AKNAD1: variants seen among roughly 807,000 people sequenced by gnomAD.
AKNAD1 encodes protein AKNAD1.
A neutral mutation model predicts 90.8 loss-of-function variants in AKNAD1; 67 were observed. That is an observed-to-expected ratio of 0.74 (90% CI 0.61 to 0.90). AKNAD1 has a LOEUF of 0.90. Ranked by LOEUF, AKNAD1 falls within the 40% of genes least tolerant of loss-of-function variation. The pLI, the probability that AKNAD1 is intolerant of heterozygous loss-of-function variation, is 0.00. For synonymous variants in AKNAD1, 327 were observed against 341.4 expected (o/e 0.96, Z 0.46); for missense variants, 957 against 975.4 (o/e 0.98, Z 0.25).
intron 13 of AKNAD1, chr1:108,822,953 T>C (rs998245609): frequency 6.9e-6 from 3 of 437,098 alleles, no homozygotes; most frequent in South Asian, 6.0e-5. Flanking sequence ...GTTAGCAACA[T>C]GATGTCTATG....
intron 6 of AKNAD1, among the ~76,000 whole-genome samples, chr1:108,840,511 C>G (rs761923873): frequency 6.6e-6 from 1 of 151,988 alleles, no homozygotes; most frequent in Non-Finnish European, 1.5e-5. Flanking sequence ...TATTAAGAAC[C>G]TTGGTGAGCT....
Position 108,816,115 on chromosome 1 carries a change from A to AGAT in AKNAD1, c.*53_*55dup, listed in dbSNP as rs1194466754. The AGAT allele has an allele frequency of 3.4e-6, 5 of 1,491,552 alleles. No individual in the cohort carries two copies. Among genetic ancestry groups the AGAT allele is most frequent in the Non-Finnish European group, 4.5e-6 (5 of 1,123,422 alleles). The allele number at this position is 1,491,552 out of a possible 1,614,324, so 92.4% of individuals were successfully genotyped here. A position where few individuals can be genotyped will look rare whatever the true frequency, so the allele number is the denominator to read the frequency against. On this transcript the variant is annotated 3_prime_UTR_variant, in exon 16 of 16. Coordinates refer to ENST00000370001, the MANE Select transcript of AKNAD1 (RefSeq NM_152763.5). ...AGTAAGTAAAATACATTTTGGGGGA[A>AGAT]GATCAAGTTTTCTTTGCATTTTTTT...
At chr1:108,855,749 G>A (rs1665011897) in intron 1 of AKNAD1, among the ~76,000 whole-genome samples, 1 of 151,820 alleles carries the variant, frequency 6.6e-6, no homozygotes, top group Non-Finnish European at 1.5e-5. Context: ...TCATGCCGCT[G>A]TACTCCAGCC....
At chr1:108,850,278 G>A (rs373676349) in intron 2 of AKNAD1, among the ~76,000 whole-genome samples, 7 of 152,166 alleles carry the variant, frequency 4.6e-5, no homozygotes, top group East Asian at 1.9e-4. Flanking sequence ...ACTATATGAC[G>A]GATATGAAAC....
chr1:108,838,387 G>A (rs1452077160), intron 6 of AKNAD1, among the ~76,000 whole-genome samples: 1 of 151,460 alleles, frequency 6.6e-6, no homozygotes, highest in Non-Finnish European at 1.5e-5. Context: ...GATTAAGTAG[G>A]AAATAAAAAT....
chr1:108,817,324 C>G, intron 14 of AKNAD1, 147 bp from the exon 15 acceptor site: 1 of 973,458 alleles, frequency 1.0e-6, no homozygotes, highest in Non-Finnish European at 1.5e-6. Context: ...CTCTCATACT[C>G]CCATGTGGCT....
chr1:108,827,135 C>G (rs1664023362), intron 11 of AKNAD1, 70 bp downstream of exon 11: 1 of 1,098,842 alleles, frequency 9.1e-7, no homozygotes, highest in South Asian at 1.3e-5. Context: ...CAAGCTGGTG[C>G]CTACTGCGAG....
At chr1:108,833,642 A>G (rs1246157549) in intron 9 of AKNAD1, among the ~76,000 whole-genome samples, 1 of 149,272 alleles carries the variant, frequency 6.7e-6, no homozygotes, top group African/African-American at 2.5e-5. Context: ...ACTTTTCTTT[A>G]TTTTCTCATT....
At chr1:108,849,851 A>G (rs1291563693) in intron 2 of AKNAD1, among the ~76,000 whole-genome samples, 1 of 152,238 alleles carries the variant, frequency 6.6e-6, no homozygotes, top group Non-Finnish European at 1.5e-5. Context: ...TGAAATGTTA[A>G]ATATCTACCA....
rs779164758 is a variant in AKNAD1 at position 108,816,198 on chromosome 1, C to T, written c.2484G>A (p.Gln828=). The change falls in exon 16 of 16, where the codon CAG becomes CAA. Residue 828 remains glutamine, a synonymous_variant. Coordinates refer to ENST00000370001, the MANE Select transcript of AKNAD1 (RefSeq NM_152763.5). ...KTIAEDLAKA[Q]RWRNRLKY ...AGTATTTCAGTCGATTCCTCCACCT[C>T]TGTGCTTTAGCAAGGTCTTCTGCAA... The T allele has an allele frequency of 1.2e-6, 2 of 1,612,586 alleles. No individual in the cohort carries two copies. The highest frequency in any genetic ancestry group is 1.1e-5 in the South Asian group (1 of 90,594).
At chr1:108,839,400 G>T (rs1664470144) in intron 6 of AKNAD1, among the ~76,000 whole-genome samples, 1 of 143,630 alleles carries the variant, frequency 7.0e-6, no homozygotes, top group South Asian at 2.2e-4. Flanking sequence ...GTGAAGCCGG[G>T]AGGCGGAGCT....
chr1:108,820,942 G>T (rs561134314), intron 13 of AKNAD1, among the ~76,000 whole-genome samples: 37 of 152,096 alleles, frequency 2.4e-4, no homozygotes, highest in African/African-American at 8.4e-4. Context: ...TAACTTAGCT[G>T]GGCATGGTGG....
In AKNAD1 at chr1:108,843,269, T is replaced by G. The variant is rs771030069; in HGVS notation, c.1246-2A>C. The G allele has an allele frequency of 6.2e-7, 1 of 1,613,308 alleles. No homozygotes were observed. The highest frequency in any genetic ancestry group is 1.1e-5 in the South Asian group (1 of 90,918). On this transcript the variant is annotated splice_acceptor_variant, in intron 5 of 15. Coordinates refer to ENST00000370001, the MANE Select transcript of AKNAD1 (RefSeq NM_152763.5). LOFTEE classifies it high-confidence loss of function. ...GTGTCCCTGCAGTTTCTCCAGGACCTGCAGCGGTGAAGTCACTGGAATCAT... is the reference window on the plus strand; with the variant it reads ...GTGTCCCTGCAGTTTCTCCAGGACCGGCAGCGGTGAAGTCACTGGAATCAT...
rs960857352 is a variant in AKNAD1 at position 108,852,961 on chromosome 1, G to T, written c.-103-194C>A. ...TCAGTAGAATAACAGCAAGGAATGG[G>T]GGAAAAAAAAAAAGAGAGTGTTACA... On this transcript the variant is annotated intron_variant, in intron 1 of 15. Transcript: ENST00000370001. Among the ~76,000 whole-genome samples the T allele has an allele frequency of 3.9e-4, 58 of 147,490 alleles. 3 individuals carry two copies. Among genetic ancestry groups the T allele is most frequent in the Non-Finnish European group, 1.5e-4 (10 of 66,822 alleles).
intron 6 of AKNAD1, among the ~76,000 whole-genome samples, chr1:108,842,149 C>T (rs1051415631): frequency 3.3e-5 from 5 of 152,174 alleles, no homozygotes; most frequent in African/African-American, 1.2e-4. Context: ...CTCATCCTTA[C>T]TGTCTAATTA....
chr1:108,836,308 G>A lies in AKNAD1; in HGVS notation c.1536+1242C>T, dbSNP rs6663188. Among the ~76,000 whole-genome samples the A allele has an allele frequency of 3.6e-3, 543 of 152,288 alleles. 4 individuals are homozygous for A. Among genetic ancestry groups the A allele is most frequent in the African/African-American group, 0.013 (522 of 41,550 alleles). On this transcript the variant is annotated intron_variant, in intron 7 of 15. Transcript: ENST00000370001. ...GAAACTGCTTGGGTGCCTTGAGATGGGCTGTTACATCCACGGTGGCTCAGG... is the reference window on the plus strand; with the variant it reads ...GAAACTGCTTGGGTGCCTTGAGATGAGCTGTTACATCCACGGTGGCTCAGG...
At chr1:108,846,553 T>C (rs1664707602) in intron 5 of AKNAD1, among the ~76,000 whole-genome samples, 1 of 152,092 alleles carries the variant, frequency 6.6e-6, no homozygotes, top group African/African-American at 2.4e-5. Context: ...CCAAATCCAA[T>C]GCACTTCTTA....
At chr1:108,848,686 G>C (rs547595715) in intron 5 of AKNAD1, 66 bp downstream of exon 5, 2 of 1,421,562 alleles carry the variant, frequency 1.4e-6, no homozygotes, top group South Asian at 1.2e-5. Flanking sequence ...GCACTATAAA[G>C]TTATTTATCT....
At chr1:108,857,393 G>C (rs1665079849), upstream of AKNAD1, 1 of 153,168 alleles carries the variant, frequency 6.5e-6, no homozygotes, top group Admixed American at 6.5e-5. Context: ...CCATGGCTAG[G>C]ATGACTGGGA....
Sources: allele counts gnomAD v4.1 joint callset (sites outside exome capture counted in the v4.1 genomes callset), GRCh38; gene constraint gnomAD v4.1.1; transcripts MANE v1.5; gene names NCBI Gene and HGNC (gene_info 2026-07-23, HGNC 2026-07-21).